The following SRGAP3 variants were observed in gnomAD, a reference collection of about 807,000 sequenced individuals.
SRGAP3 encodes the protein SLIT-ROBO Rho GTPase-activating protein 3.
SRGAP3 carries 39 observed loss-of-function variants against 121.1 expected under a neutral mutation model. The ratio of observed to expected loss-of-function variants is 0.32; its 90% CI spans 0.25 to 0.42. SRGAP3 has a LOEUF of 0.42. Among genes scored for constraint, SRGAP3 ranks in the 10% least tolerant of loss-of-function variants. The pLI, the probability that SRGAP3 is intolerant of heterozygous loss-of-function variation, is 1.00. For missense variants in SRGAP3, 1,213 were observed against 1,470.6 expected (o/e 0.82, Z 2.86); for synonymous variants, 601 against 570.0 (o/e 1.05, Z -0.77).
At chr3:9,157,633 A>T (rs1221928533) in intron 1 of SRGAP3, among the ~76,000 whole-genome samples, 1 of 152,222 alleles carries the variant, frequency 6.6e-6, no homozygotes, top group East Asian at 1.9e-4. Context: ...GTAACGGCAG[A>T]GTAATGATAG....
intron 1 of SRGAP3, among the ~76,000 whole-genome samples, chr3:9,144,973 G>T (rs1949975176): frequency 1.3e-5 from 2 of 152,206 alleles, no homozygotes; most frequent in Admixed American, 1.3e-4. Flanking sequence ...GTTTAAATCT[G>T]AAAATTCATT....
chr3:9,195,870 C>A (rs769156138), intron 1 of SRGAP3, among the ~76,000 whole-genome samples: 8 of 152,080 alleles, frequency 5.3e-5, no homozygotes, highest in Non-Finnish European at 1.2e-4. Context: ...GCAGGAGGAT[C>A]ACTTGAGCCC....
chr3:9,006,493 A>C (rs563082344), intron 18 of SRGAP3, among the ~76,000 whole-genome samples: 1 of 146,966 alleles, frequency 6.8e-6, no homozygotes. Context: ...AATACCATCA[A>C]AAACCTCACC....
At chr3:9,302,825 G>GCTCC (rs1323043523) in intron 3 of SRGAP3, among the ~76,000 whole-genome samples, 1 of 152,134 alleles carries the variant, frequency 6.6e-6, no homozygotes, top group Non-Finnish European at 1.5e-5. Context: ...GGGTACAAGG[G>GCTCC]GGAGAGGCTC....
intron 8 of SRGAP3, among the ~76,000 whole-genome samples, chr3:9,054,739 G>C (rs1945736699): frequency 6.6e-6 from 1 of 152,180 alleles, no homozygotes; most frequent in Non-Finnish European, 1.5e-5. Flanking sequence ...TTTCTCACTA[G>C]AATATTCCCT....
intron 3 of SRGAP3, among the ~76,000 whole-genome samples, chr3:9,288,047 T>C (rs1409543100): frequency 6.6e-6 from 1 of 152,150 alleles, no homozygotes; most frequent in African/African-American, 2.4e-5. Context: ...ATCTCCACAT[T>C]CTTTGTCTCC....
At chr3:9,068,643 G>A (rs531756111) in intron 4 of SRGAP3, among the ~76,000 whole-genome samples, 1 of 152,198 alleles carries the variant, frequency 6.6e-6, no homozygotes, top group African/African-American at 2.4e-5. Context: ...GAATCCTCTA[G>A]ATGTTTCTTT....
intron 4 of SRGAP3, among the ~76,000 whole-genome samples, chr3:9,073,624 T>C (rs1392222351): frequency 6.6e-6 from 1 of 152,206 alleles, no homozygotes; most frequent in Non-Finnish European, 1.5e-5. Flanking sequence ...GGCGTGGTCA[T>C]AATGCCACCT....
chr3:9,228,851 A>G (rs1234537549), intron 1 of SRGAP3, among the ~76,000 whole-genome samples: 1 of 151,786 alleles, frequency 6.6e-6, no homozygotes, highest in Non-Finnish European at 1.5e-5. Context: ...TCATGAGGTC[A>G]GGAGATCGAG....
intron 3 of SRGAP3, among the ~76,000 whole-genome samples, chr3:9,270,018 C>T (rs1370849522): frequency 6.6e-6 from 1 of 152,106 alleles, no homozygotes; most frequent in Non-Finnish European, 1.5e-5. Flanking sequence ...CATGGCTAGT[C>T]TACACCCCCA....
Position 9,168,798 on chromosome 3 carries a change from A to AT in SRGAP3, c.68-43882dup, listed in dbSNP as rs1294603376. 2.0e-5 allele frequency among the ~76,000 whole-genome samples: 3 copies of AT among 152,236 alleles called. 1 individual carries two copies. Among genetic ancestry groups the AT allele is most frequent in the East Asian group, 3.9e-4 (2 of 5,194 alleles). On this transcript the variant is annotated intron_variant, in intron 1 of 21. Transcript: ENST00000383836. ...TTGATTCATAATCTCTCATTCATTCATTTTTTGGGCCCCTACTCAGCCAGA... is the reference window on the plus strand; with the variant it reads ...TTGATTCATAATCTCTCATTCATTCATTTTTTTGGGCCCCTACTCAGCCAGA...
intron 1 of SRGAP3, among the ~76,000 whole-genome samples, chr3:9,359,650 A>G (rs980928057): frequency 6.6e-6 from 1 of 152,186 alleles, no homozygotes; most frequent in Non-Finnish European, 1.5e-5. Flanking sequence ...CCACAATCAG[A>G]TTAGAGTCTT....
At chr3:9,044,616 T>C (rs780941126) in intron 10 of SRGAP3, among the ~76,000 whole-genome samples, 15 of 152,190 alleles carry the variant, frequency 9.9e-5, no homozygotes, top group Admixed American at 2.6e-4. Context: ...TACTGTACTT[T>C]ACAGAAACTG....
rs186504241 is a variant in SRGAP3, at chr3:9,082,818, G to T, written c.424-2731C>A. ...TAATATCAGAATGATGCCTTCTCAG[G>T]CTCCTTCTCCTCACCCCCCACAGCC... On this transcript the variant is annotated intron_variant, in intron 3 of 21. Coordinates refer to ENST00000383836, the MANE Select transcript of SRGAP3 (RefSeq NM_014850.4). Among the ~76,000 whole-genome samples, 14 of 152,208 alleles carry T rather than the reference G, an allele frequency of 9.2e-5. No homozygotes were observed. The East Asian group carries it at 2.7e-3, about 29-fold the overall frequency.
chr3:9,228,515 A>C (rs1953075787), intron 1 of SRGAP3, among the ~76,000 whole-genome samples: 1 of 152,204 alleles, frequency 6.6e-6, no homozygotes, highest in African/African-American at 2.4e-5. Context: ...CATCCAGAGA[A>C]GAGGAGGGAA....
upstream of SRGAP3, among the ~76,000 whole-genome samples, chr3:9,253,556 G>C (rs550443957): frequency 2.6e-5 from 4 of 152,216 alleles, no homozygotes; most frequent in Admixed American, 2.0e-4. Context: ...TTATTTTTCT[G>C]GTCGAATATG....
intron 14 of SRGAP3, 104 bp from the exon 15 acceptor site, chr3:9,015,835 G>A: frequency 2.1e-6 from 3 of 1,443,006 alleles, no homozygotes; most frequent in Non-Finnish European, 2.9e-6. Context: ...CCACAGGAAA[G>A]GCAGATGGGA....
intron 3 of SRGAP3, among the ~76,000 whole-genome samples, chr3:9,302,513 G>GT (rs1468037133): frequency 6.6e-6 from 1 of 152,186 alleles, no homozygotes; most frequent in Admixed American, 6.5e-5. Flanking sequence ...CCGCAGGGAG[G>GT]TAAGAGGCAA....
At chr3:9,079,909 A>C (rs1015593986) in intron 4 of SRGAP3, 116 bp downstream of exon 4, 2 of 1,056,664 alleles carry the variant, frequency 1.9e-6, no homozygotes, top group African/African-American at 3.1e-5. Context: ...ACTCAGCATA[A>C]AACGCAGCAA....
Sources: allele counts gnomAD v4.1 joint callset (sites outside exome capture counted in the v4.1 genomes callset), GRCh38; gene constraint gnomAD v4.1.1; transcripts MANE v1.5; gene names NCBI Gene and HGNC (gene_info 2026-07-23, HGNC 2026-07-21).